Variants in MYO1D observed in about 807,000 individuals in gnomAD.
The protein encoded by MYO1D is myosin ID.
In MYO1D, 83 loss-of-function variants were observed where a neutral mutation model predicts 122.0. The ratio of observed to expected loss-of-function variants is 0.68; its 90% CI spans 0.57 to 0.82. MYO1D has a LOEUF of 0.82. MYO1D is among the 40% of genes least tolerant of loss of function. The pLI is 0.00. For missense variants in MYO1D, 1,157 were observed against 1,269.5 expected, an observed-to-expected ratio of 0.91 and a Z score of 1.35; for synonymous variants, 464 against 446.9, an observed-to-expected ratio of 1.04 and a Z score of -0.48.
At chr17:32,606,981 G>A (rs1407096965) in intron 20 of MYO1D, among the ~76,000 whole-genome samples, 1 of 152,058 alleles carries the variant, frequency 6.6e-6, no homozygotes, top group African/African-American at 2.4e-5. Flanking sequence ...CCAATATGGT[G>A]AAACCCTGTA....
chr17:32,680,994 C>T (rs1027428540), intron 16 of MYO1D, among the ~76,000 whole-genome samples: 386 of 152,190 alleles, frequency 2.5e-3, no homozygotes, highest in African/African-American at 6.6e-3. Context: ...GTGTATGTGT[C>T]GAGGAATTTA....
At chr17:32,615,561 A>G (rs972172176) in intron 20 of MYO1D, among the ~76,000 whole-genome samples, 1 of 152,228 alleles carries the variant, frequency 6.6e-6, no homozygotes, top group African/African-American at 2.4e-5. Flanking sequence ...GAAGCCTGCA[A>G]TTGCTAGGCT....
At chr17:32,703,643 T>C (rs117168619) in intron 16 of MYO1D, among the ~76,000 whole-genome samples, 1 of 151,974 alleles carries the variant, frequency 6.6e-6, no homozygotes, top group Admixed American at 6.6e-5. Flanking sequence ...AAACTATATA[T>C]CTACCAAAAA....
At chr17:32,793,608 G>C (rs1000897853) in intron 1 of MYO1D, among the ~76,000 whole-genome samples, 1 of 152,098 alleles carries the variant, frequency 6.6e-6, no homozygotes, top group African/African-American at 2.4e-5. Flanking sequence ...GCTTTATTTT[G>C]ATCTTTTGTT....
At chr17:32,818,360 G>C (rs960860860) in intron 1 of MYO1D, among the ~76,000 whole-genome samples, 26 of 152,080 alleles carry the variant, frequency 1.7e-4, no homozygotes, top group Admixed American at 7.9e-4. Flanking sequence ...CCCATGTGAA[G>C]GCCTCATTAT....
intron 16 of MYO1D, among the ~76,000 whole-genome samples, chr17:32,683,910 G>A (rs2088964390): frequency 3.3e-5 from 5 of 152,118 alleles, no homozygotes; most frequent in South Asian, 4.2e-4. Flanking sequence ...CTCCGTGGGC[G>A]TAGGACCCTC....
chr17:32,653,448 A>G (rs1343114066), intron 19 of MYO1D, among the ~76,000 whole-genome samples: 2 of 151,830 alleles, frequency 1.3e-5, no homozygotes, highest in Non-Finnish European at 2.9e-5. Flanking sequence ...CTCTACTAAA[A>G]ATATAAAGTT....
intron 21 of MYO1D, chr17:32,505,603 G>T (rs970338236): frequency 6.6e-6 from 1 of 152,168 alleles, no homozygotes; most frequent in Non-Finnish European, 1.5e-5. Context: ...GACACCAGAA[G>T]AAGTCTGCCT....
At chr17:32,512,303 TAA>T (rs370039550) in intron 21 of MYO1D, among the ~76,000 whole-genome samples, 12 of 118,484 alleles carry the variant, frequency 1.0e-4, no homozygotes, top group African/African-American at 1.8e-4. Context: ...TCTTATCTCA[TAA>T]AAAAAAAAAA....
In MYO1D at chr17:32,721,060, A is replaced by T; in HGVS notation, c.1876T>A (p.Phe626Ile). 6.2e-7 allele frequency: 1 copy of T among 1,614,168 alleles called. No homozygotes were observed. Among genetic ancestry groups the T allele is most frequent in the East Asian group, 2.2e-5 (1 of 44,886 alleles). Residue 626 changes from phenylalanine (F) to isoleucine (I), a missense_variant, in exon 15 of 22, where the codon TTT becomes ATT. Phe to Ile is a conservative substitution (Grantham distance 21). Coordinates refer to ENST00000318217, the MANE Select transcript of MYO1D (RefSeq NM_015194.3). The part of the protein sequence containing the change: ...LENVRVRRAG[F>I]AFRQTYEKFL... ...TTCTCGTATGTCTGGCGGAAGGCAA[A>T]TCCTGCCCGACGCACTCTCACATTT...
At chr17:32,683,538 G>A (rs1196705819) in intron 16 of MYO1D, among the ~76,000 whole-genome samples, 3 of 152,144 alleles carry the variant, frequency 2.0e-5, no homozygotes, top group Middle Eastern at 6.8e-3. Flanking sequence ...CCCTGCTGGG[G>A]GGTGCCTCCC....
Position 32,780,667 on chromosome 17 carries a change from C to T in MYO1D, c.213G>A (p.Leu71=), listed in dbSNP as rs774157365. 2 of 1,614,170 alleles carry T rather than the reference C, an allele frequency of 1.2e-6. No individual in the cohort carries two copies. Among genetic ancestry groups the T allele is most frequent in the South Asian group, 2.2e-5 (2 of 91,084 alleles). ...DTIEQYKGRE[L]YERPPHLFAI... The stretch of plus-strand genomic sequence containing the variant: ...CAAAAAGGTGAGGCGGTCTCTCATA[C>T]AGCTCACGGCCTTTATACTGCTCAA... The change falls in exon 2 of 22, where the codon CTG becomes CTA. Residue 71 remains leucine, a synonymous_variant. Coordinates refer to ENST00000318217, the MANE Select transcript of MYO1D (RefSeq NM_015194.3).
intron 8 of MYO1D, among the ~76,000 whole-genome samples, chr17:32,762,054 G>T (rs2090007067): frequency 6.6e-6 from 1 of 152,024 alleles, no homozygotes; most frequent in East Asian, 1.9e-4. Flanking sequence ...GGTACATGGG[G>T]TCTTAGGGAA....
intron 21 of MYO1D, among the ~76,000 whole-genome samples, chr17:32,595,211 G>C (rs1480676759): frequency 2.6e-5 from 4 of 152,122 alleles, no homozygotes; most frequent in African/African-American, 9.7e-5. Context: ...GGAGGAATGA[G>C]TTCTAGCATT....
intron 16 of MYO1D, among the ~76,000 whole-genome samples, chr17:32,679,754 G>A (rs972375683): frequency 4.6e-5 from 7 of 152,004 alleles, no homozygotes; most frequent in African/African-American, 1.5e-4. Context: ...GTCTTTTTTG[G>A]TTCCATATGA....
intron 21 of MYO1D, among the ~76,000 whole-genome samples, chr17:32,597,093 G>A (rs959298173): frequency 1.3e-5 from 2 of 152,220 alleles, no homozygotes; most frequent in African/African-American, 4.8e-5. Flanking sequence ...ATATTGAAAT[G>A]CTATGAGAGA....
intron 1 of MYO1D, among the ~76,000 whole-genome samples, chr17:32,824,001 A>T (rs927345090): frequency 2.8e-5 from 4 of 144,498 alleles, no homozygotes; most frequent in Non-Finnish European, 6.0e-5. Flanking sequence ...CGGGAGGTGG[A>T]GCTTGCAGTG....
intron 21 of MYO1D, among the ~76,000 whole-genome samples, chr17:32,543,315 A>G (rs8078447): frequency 0.62 from 94,699 of 151,656 alleles, 30,932 homozygotes; most frequent in African/African-American, 0.78. Flanking sequence ...GGTGGCTCAC[A>G]CCTGTAATCC....
intron 21 of MYO1D, among the ~76,000 whole-genome samples, chr17:32,540,428 A>T (rs938882691): frequency 6.6e-6 from 1 of 152,058 alleles, no homozygotes; most frequent in Non-Finnish European, 1.5e-5. Flanking sequence ...TCTAGACTAC[A>T]TAAAGAACTC....
Sources: gnomAD v4.1 joint callset for allele counts (sites outside exome capture counted in the v4.1 genomes callset) on GRCh38, gnomAD v4.1.1 for gene constraint, MANE v1.5 for transcripts, NCBI Gene and HGNC (gene_info 2026-07-23, HGNC 2026-07-21) for gene names.